NUP62: variants seen among roughly 807,000 people sequenced by gnomAD.
The protein encoded by NUP62 is nuclear pore glycoprotein p62.
For missense variants in NUP62, 647 were observed against 689.4 expected (o/e 0.94, Z 0.69); for synonymous variants, 305 against 303.4 (o/e 1.01, Z -0.05).
At chr19:49,912,166 C>CTTT (rs60350799) in intron 2 of NUP62, among the ~76,000 whole-genome samples, 64 of 115,460 alleles carry the variant, frequency 5.5e-4, no homozygotes, top group East Asian at 2.1e-3. Flanking sequence ...AACAGTTCAC[C>CTTT]TTTTTTTTTT....
chr19:49,918,899 G>A lies in NUP62; in HGVS notation c.-78+8795C>T, dbSNP rs1390380008. Among the ~76,000 whole-genome samples the A allele has an allele frequency of 2.5e-4, 32 of 129,690 alleles. 2 individuals carry two copies. Among genetic ancestry groups the A allele is most frequent in the Admixed American group, 2.0e-3 (27 of 13,334 alleles). 85.1% of individuals were successfully genotyped at this position (129,690 alleles called of 152,430 possible). On this transcript the variant is annotated intron_variant, in intron 2 of 2. Coordinates refer to ENST00000352066, the MANE Select transcript of NUP62 (RefSeq NM_016553.5). ...AATCCCAGCACTTTGGGAGGCTGGG[G>A]GGGGGGGGGCGGGGTGTGGGGGGGC...
rs1374496539 is a variant in NUP62 at position 49,921,294 on chromosome 19, C to T, written c.-78+6400G>A. 6.6e-6 allele frequency among the ~76,000 whole-genome samples: 1 copy of T among 152,266 alleles called. No individual in the cohort carries two copies. The highest frequency in any genetic ancestry group is 1.9e-4 in the East Asian group (1 of 5,174). On this transcript the variant is annotated intron_variant, in intron 2 of 2. Transcript: ENST00000352066. This position sits in a 1 kb window ranked among gnomAD's most constrained non-coding sequence, Gnocchi z 5.4. ...AAGGGCTGGCCCAGGTGTCTGGCCC[C>T]ACAGCTGAGCTCCTAACCGCACCGA... is the stretch of plus-strand genomic sequence containing the variant.
intron 2 of NUP62, among the ~76,000 whole-genome samples, chr19:49,924,234 TCTCGGGAC>T (rs1023450821): frequency 1.8e-4 from 27 of 152,068 alleles, no homozygotes; most frequent in African/African-American, 6.0e-4. Context: ...CCCCCTTACC[TCTCGGGAC>T]CTCAGTCTTG....
intron 2 of NUP62, among the ~76,000 whole-genome samples, chr19:49,914,699 G>C (rs1315684519): frequency 8.4e-6 from 1 of 118,604 alleles, no homozygotes; most frequent in Non-Finnish European, 1.7e-5. Flanking sequence ...ACCTCCATCT[G>C]TGATTCTTGT....
At position 49,908,916 on chromosome 19, in the gene NUP62, C is replaced by G; in HGVS notation, c.892G>C (p.Ala298Pro). 6.2e-7 allele frequency: 1 copy of G among 1,607,702 alleles called. No individual in the cohort carries two copies. Among genetic ancestry groups the G allele is most frequent in the Non-Finnish European group, 8.5e-7 (1 of 1,177,662 alleles). Residue 298 changes from alanine (A) to proline (P), a missense_variant, in exon 3 of 3, where the codon GCG becomes CCG. Transcript: ENST00000352066. ...TGFALNLKPL[A>P]PAGIPSNTAA... ...GTATTGCTGGGGATCCCGGCTGGCG[C>G]CAGTGGTTTTAAATTCAAGGCAAAG...
rs558152300 is a variant in NUP62 at position 49,917,105 on chromosome 19, C to G, written c.-77-7221G>C. On this transcript the variant is annotated intron_variant, in intron 2 of 2. Coordinates refer to ENST00000352066, the MANE Select transcript of NUP62 (RefSeq NM_016553.5). ...ATTTCAGATTTGGGGGAAGTATGAC[C>G]GGTGGAACCAGAGAGACCAGAACAG... Among the ~76,000 whole-genome samples the G allele has an allele frequency of 5.6e-4, 85 of 152,262 alleles. 1 individual carries two copies. The South Asian group carries it at 0.016, about 28-fold the overall frequency.
rs1291389028 is a variant in NUP62, at chr19:49,908,867, G to A, written c.941C>T (p.Pro314Leu). The change falls in exon 3 of 3, where the codon CCT becomes CTT. Residue 314 changes from proline (P) to leucine (L), a missense_variant. Physicochemically the swap from Pro to Leu is moderately conservative, Grantham distance 98. Transcript: ENST00000352066. Reference protein sequence around the residue: ...SNTAAAVTAPPGPGAAAGAAA... With the variant: ...SNTAAAVTAPLGPGAAAGAAA... ...CGCCCCTGCAGCTGCGCCAGGGCCA[G>A]GTGGAGCGGTCACGGCAGCTGCTGT... The A allele has an allele frequency of 6.2e-7, 1 of 1,611,442 alleles. No individual in the cohort carries two copies. The highest frequency in any genetic ancestry group is 1.1e-5 in the South Asian group (1 of 91,054).
intron 2 of NUP62, among the ~76,000 whole-genome samples, chr19:49,924,726 G>A (rs899031655): frequency 2.0e-5 from 3 of 152,174 alleles, no homozygotes; most frequent in Non-Finnish European, 2.9e-5. Flanking sequence ...ACTGATGACC[G>A]GCTATGAACT....
intron 2 of NUP62, among the ~76,000 whole-genome samples, chr19:49,927,119 C>T (rs1317100089): frequency 6.6e-6 from 1 of 152,080 alleles, no homozygotes; most frequent in Non-Finnish European, 1.5e-5. Context: ...CCTCAGCCTC[C>T]CAGGGTGGTG....
In NUP62 at chr19:49,908,554, G is replaced by A. The variant is rs745705297; in HGVS notation, c.1254C>T (p.Ser418=). Residue 418 remains serine (S), a synonymous_variant, in exon 3 of 3, where the codon AGC becomes AGT. Coordinates refer to ENST00000352066, the MANE Select transcript of NUP62 (RefSeq NM_016553.5). Reference sequence around the variant, plus strand: ...CCGCGTGCTGCAGGTAGATGGTCCCGCTCTGCTCCTTGACCAACTCCTCCA... The same window carrying A: ...CCGCGTGCTGCAGGTAGATGGTCCCACTCTGCTCCTTGACCAACTCCTCCA... ...SPLEELVKEQ[S]GTIYLQHADE... is the part of the protein sequence containing the mutation. The A allele has an allele frequency of 6.2e-6, 10 of 1,614,012 alleles. No homozygotes were observed. Among genetic ancestry groups the A allele is most frequent in the African/African-American group, 2.7e-5 (2 of 74,930 alleles).
Position 49,909,058 on chromosome 19 carries a change from A to G in NUP62, c.750T>C (p.Thr250=), listed in dbSNP as rs1399191388. The G allele has an allele frequency of 6.2e-7, 1 of 1,612,970 alleles. No individual in the cohort carries two copies. Among genetic ancestry groups the G allele is most frequent in the South Asian group, 1.1e-5 (1 of 91,066 alleles). ...CTPVTTAGAP[T]AGTQGFSLKA... is the part of the protein sequence containing the mutation. ...TTAAGCTGAAGCCCTGTGTCCCAGC[A>G]GTGGGGGCGCCCGCTGTGGTCACAG... Residue 250 remains threonine, a synonymous_variant, in exon 3 of 3, where the codon ACT becomes ACC. Transcript: ENST00000352066.
chr19:49,927,947 G>C (rs1471370888), intron 1 of NUP62, 132 bp from the exon 2 acceptor site: 1 of 152,266 alleles, frequency 6.6e-6, no homozygotes, highest in African/African-American at 2.4e-5. Context: ...TTGGGAGATA[G>C]TTCCTATCCA....
Position 49,909,291 on chromosome 19 carries a change from T to C in NUP62, c.517A>G (p.Ile173Val). 6.2e-7 allele frequency: 1 copy of C among 1,613,982 alleles called. No individual in the cohort carries two copies. Among genetic ancestry groups the C allele is most frequent in the Non-Finnish European group, 8.5e-7 (1 of 1,179,998 alleles). ...GSTAQPSGFN[I>V]GSAGNSAQPT... is the part of the protein sequence containing the mutation. ...TGGGCTGAATTCCCTGCTGAGCCAA[T>C]GTTGAAACCGGAGGGTTGGGCCGTG... The change falls in exon 3 of 3, where the codon ATT (isoleucine) becomes GTT (valine). Residue 173 changes from isoleucine (I) to valine (V), a missense_variant. Coordinates refer to ENST00000352066, the MANE Select transcript of NUP62 (RefSeq NM_016553.5).
At chr19:49,919,466 C>T (rs886431691) in intron 2 of NUP62, among the ~76,000 whole-genome samples, 7 of 152,174 alleles carry the variant, frequency 4.6e-5, no homozygotes, top group Non-Finnish European at 8.8e-5. Context: ...ATGAGGAAAC[C>T]GAGGCCCTCA....
intron 2 of NUP62, among the ~76,000 whole-genome samples, chr19:49,918,215 G>C (rs960863248): frequency 6.6e-6 from 1 of 151,888 alleles, no homozygotes; most frequent in Non-Finnish European, 1.5e-5. Flanking sequence ...ACAGGCATAC[G>C]CCGCCATGCC....
intron 2 of NUP62, among the ~76,000 whole-genome samples, chr19:49,920,708 A>G (rs1468856231): frequency 6.6e-6 from 1 of 152,210 alleles, no homozygotes; most frequent in Non-Finnish European, 1.5e-5. Context: ...CTGGTTGAGA[A>G]CAGGCTGGGG....
At chr19:49,913,508 C>T (rs970029106) in intron 2 of NUP62, among the ~76,000 whole-genome samples, 33 of 152,168 alleles carry the variant, frequency 2.2e-4, no homozygotes, top group African/African-American at 7.0e-4. Context: ...CACACGGGTG[C>T]GCCATGTCCT....
chr19:49,914,726 G>GTTTTTTT lies in NUP62; in HGVS notation c.-77-4849_-77-4843dup, dbSNP rs530372497. 9.4e-3 allele frequency among the ~76,000 whole-genome samples: 528 copies of GTTTTTTT among 56,390 alleles called. 114 individuals are homozygous for GTTTTTTT. Among genetic ancestry groups the GTTTTTTT allele is most frequent in the African/African-American group, 1.0e-2 (154 of 15,442 alleles). The allele number at this position is 56,390 out of a possible 152,430, so 37.0% of individuals were successfully genotyped here. On this transcript the variant is annotated intron_variant, in intron 2 of 2. Coordinates refer to ENST00000352066, the MANE Select transcript of NUP62 (RefSeq NM_016553.5). ...GATTCTTGTGCCACTCCAAGTCCCA[G>GTTTTTTT]TTTTTTTTTTTTTTTTTTTTTTTTT...
intron 2 of NUP62, among the ~76,000 whole-genome samples, chr19:49,924,737 A>G (rs1001450627): frequency 6.6e-6 from 1 of 152,190 alleles, no homozygotes; most frequent in South Asian, 2.1e-4. Context: ...GCTATGAACT[A>G]GAACAGGCTG....
Sources: gnomAD v4.1 joint callset for allele counts (sites outside exome capture counted in the v4.1 genomes callset) on GRCh38, gnomAD v4.1.1 for gene constraint, Gnocchi (gnomAD v3.1) non-coding constraint, MANE v1.5 for transcripts, NCBI Gene and HGNC (gene_info 2026-07-23, HGNC 2026-07-21) for gene names.